SLC35D4: variants seen among roughly 807,000 people sequenced by gnomAD.
SLC35D4 encodes UDP-N-acetylglucosamine transporter SLC35D4.
the SLC35D4 span, among the ~76,000 whole-genome samples, chr18:23,383,422 AGAG>A: frequency 0.97 from 146,913 of 151,682 alleles, 71,312 homozygotes; most frequent in East Asian, 1. Context: ...TGGAGAGGCC[AGAG>A]GAGAAAGCGG....
chr18:23,365,531 G>A, the SLC35D4 span: 4 of 1,368,846 alleles, frequency 2.9e-6, no homozygotes, highest in South Asian at 1.4e-5. Flanking sequence ...TCATCCTGGG[G>A]GGCAATGACA....
chr18:23,267,766 G>GCTGCACTAGGGTGT, the SLC35D4 span, among the ~76,000 whole-genome samples: 1 of 152,122 alleles, frequency 6.6e-6, no homozygotes, highest in Non-Finnish European at 1.5e-5. Flanking sequence ...TGCCTGGCTG[G>GCTGCACTAGGGTGT]CTGCACTAGG....
the SLC35D4 span, among the ~76,000 whole-genome samples, chr18:23,315,063 G>T: frequency 1.3e-5 from 2 of 152,182 alleles, no homozygotes; most frequent in African/African-American, 4.8e-5. Flanking sequence ...AGATTATCAG[G>T]TATTTGGGAG....
the SLC35D4 span, among the ~76,000 whole-genome samples, chr18:23,428,007 A>G: frequency 6.6e-6 from 1 of 152,030 alleles, no homozygotes; most frequent in Non-Finnish European, 1.5e-5. Context: ...CATCACACAC[A>G]GGGGCCTGCC....
the SLC35D4 span, chr18:23,437,698 G>C: frequency 7.0e-7 from 1 of 1,421,842 alleles, no homozygotes; most frequent in South Asian, 1.2e-5. Flanking sequence ...TAAAAAGCAG[G>C]AGGAGGCTCC....
chr18:23,290,793 A>ATT, the SLC35D4 span, among the ~76,000 whole-genome samples: 25 of 143,772 alleles, frequency 1.7e-4, no homozygotes, highest in African/African-American at 2.3e-4. Flanking sequence ...CACCCTGCTA[A>ATT]TTTTTTTTTT....
At chr18:23,275,096 TTG>T in the SLC35D4 span, among the ~76,000 whole-genome samples, 8 of 149,900 alleles carry the variant, frequency 5.3e-5, no homozygotes, top group East Asian at 3.9e-4. Flanking sequence ...GTGTGCGTGC[TTG>T]TGTGTTTTTG....
At chr18:23,256,311 C>T in the SLC35D4 span, among the ~76,000 whole-genome samples, 1 of 152,180 alleles carries the variant, frequency 6.6e-6, no homozygotes, top group African/African-American at 2.4e-5. Context: ...CGCAAGATGC[C>T]ACCAGGCTCA....
chr18:23,281,676 CT>C, the SLC35D4 span, among the ~76,000 whole-genome samples: 1 of 152,220 alleles, frequency 6.6e-6, no homozygotes, highest in Admixed American at 6.5e-5. Flanking sequence ...GACACAGGGC[CT>C]CCCTGAGAAC....
At chr18:23,324,458 A>C in the SLC35D4 span, among the ~76,000 whole-genome samples, 23 of 152,320 alleles carry the variant, frequency 1.5e-4, no homozygotes, top group African/African-American at 4.1e-4. Context: ...GCTTTCATTG[A>C]ATTAGAAGTG....
the SLC35D4 span, among the ~76,000 whole-genome samples, chr18:23,298,745 C>G: frequency 6.6e-6 from 1 of 152,202 alleles, no homozygotes; most frequent in Non-Finnish European, 1.5e-5. Context: ...TCCCGTTAGT[C>G]TTCTGGGGCC....
At chr18:23,256,316 G>C in the SLC35D4 span, among the ~76,000 whole-genome samples, 2 of 152,176 alleles carry the variant, frequency 1.3e-5, no homozygotes, top group Non-Finnish European at 2.9e-5. Context: ...GATGCCACCA[G>C]GCTCAGCCCT....
chr18:23,343,677 G>A, the SLC35D4 span, among the ~76,000 whole-genome samples: 1 of 152,152 alleles, frequency 6.6e-6, no homozygotes, highest in Non-Finnish European at 1.5e-5. Flanking sequence ...AATAAGAATA[G>A]TACCCAACGA....
At chr18:23,274,001 C>T in the SLC35D4 span, among the ~76,000 whole-genome samples, 1 of 152,150 alleles carries the variant, frequency 6.6e-6, no homozygotes, top group South Asian at 2.1e-4. Context: ...GGCACAATCA[C>T]GGCTCACTGC....
chr18:23,240,690 A>G, the SLC35D4 span, among the ~76,000 whole-genome samples: 2,060 of 152,308 alleles, frequency 0.014, 48 homozygotes, highest in East Asian at 0.076. Context: ...CCAAAGCCCC[A>G]GAGTCCTGCT....
chr18:23,253,177 A>G, the SLC35D4 span: 1 of 665,530 alleles, frequency 1.5e-6, no homozygotes, highest in African/African-American at 1.8e-5. Context: ...TGATTGAGTC[A>G]TTGTCACATT....
At chr18:23,312,263 C>A in the SLC35D4 span, among the ~76,000 whole-genome samples, 2 of 152,154 alleles carry the variant, frequency 1.3e-5, no homozygotes, top group East Asian at 1.9e-4. Flanking sequence ...TAGGAGGAAT[C>A]CTGTCTGCCG....
the SLC35D4 span, among the ~76,000 whole-genome samples, chr18:23,343,933 T>C: frequency 2.0e-5 from 3 of 151,538 alleles, no homozygotes; most frequent in Non-Finnish European, 4.4e-5. Context: ...AGTTTCGCTC[T>C]TGTTGCCCAG....
chr18:23,381,364 CAG>C, the SLC35D4 span, among the ~76,000 whole-genome samples: 1 of 152,130 alleles, frequency 6.6e-6, no homozygotes, highest in African/African-American at 2.4e-5. Flanking sequence ...TTTTTAGAGT[CAG>C]GGTCTCACTG....
Sources: allele counts gnomAD v4.1 joint callset (sites outside exome capture counted in the v4.1 genomes callset), GRCh38; gene constraint gnomAD v4.1.1; transcripts MANE v1.5; gene names NCBI Gene and HGNC (gene_info 2026-07-23, HGNC 2026-07-21).